Variants in MOGAT3 observed in about 807,000 individuals in gnomAD.
MOGAT3 encodes monoacylglycerol O-acyltransferase 3, also known as 2-acylglycerol O-acyltransferase 3.
MOGAT3 carries 39 observed loss-of-function variants against 34.4 expected under a neutral mutation model. That is an observed-to-expected ratio of 1.13 (90% CI 0.88 to 1.48). The LOEUF is 1.48. Among genes scored for constraint, MOGAT3 ranks in the 40% most tolerant of loss-of-function variants. The pLI is 0.00. For missense variants in MOGAT3, 439 were observed against 438.9 expected (o/e 1.00, Z 0.00); for synonymous variants, 209 against 179.2 (o/e 1.17, Z -1.33).
At chr7:101,196,131 G>T (rs776379227) in intron 6 of MOGAT3, 31 bp from the exon 7 acceptor site, 2 of 1,585,748 alleles carry the variant, frequency 1.3e-6, no homozygotes, top group Non-Finnish European at 8.6e-7. Context: ...GTGGGCGAGG[G>T]ATCCCTGATG....
downstream of MOGAT3, among the ~76,000 whole-genome samples, chr7:101,194,447 A>G (rs1172906731): frequency 6.7e-6 from 1 of 150,162 alleles, no homozygotes; most frequent in Non-Finnish European, 1.5e-5. Flanking sequence ...CAGCCTCCCA[A>G]AGTGCTGGGA....
At chr7:101,199,997 G>T (rs867333287) in intron 3 of MOGAT3, among the ~76,000 whole-genome samples, 74 of 151,832 alleles carry the variant, frequency 4.9e-4, no homozygotes, top group African/African-American at 1.7e-3. Flanking sequence ...GGAGGCTGAG[G>T]CATGAGAATA....
In MOGAT3 at chr7:101,195,716, C is replaced by T. The variant is rs1305128240; in HGVS notation, c.*230G>A. 8 of 566,142 alleles carry T rather than the reference C, an allele frequency of 1.4e-5. No individual in the cohort carries two copies. The highest frequency in any genetic ancestry group is 1.3e-4 in the South Asian group (6 of 46,548). The allele number at this position is 566,142 out of a possible 1,614,324, so 35.1% of individuals were successfully genotyped here. A position where few individuals can be genotyped will look rare whatever the true frequency, so the allele number is the denominator to read the frequency against. On this transcript the variant is annotated 3_prime_UTR_variant, in exon 7 of 7. Transcript: ENST00000223114. ...GCCACCATGCCCGGCTAATTAACAACATTATTTTTTAATTTTTGTAGAAAT... is the reference window on the plus strand; with the variant it reads ...GCCACCATGCCCGGCTAATTAACAATATTATTTTTTAATTTTTGTAGAAAT...
chr7:101,199,646 A>C (rs1584242192), intron 3 of MOGAT3, among the ~76,000 whole-genome samples: 17 of 117,346 alleles, frequency 1.4e-4, no homozygotes, highest in East Asian at 4.9e-4. Context: ...AGACGGTCTC[A>C]CTCTGTTGCT....
chr7:101,197,836 C>G (rs998928327), intron 5 of MOGAT3, among the ~76,000 whole-genome samples: 2 of 152,122 alleles, frequency 1.3e-5, no homozygotes, highest in African/African-American at 2.4e-5. Context: ...CCTTTGCACT[C>G]CAGCCTGGGC....
Position 101,196,253 on chromosome 7 carries a change from C to T in MOGAT3, c.805G>A (p.Gly269Ser), listed in dbSNP as rs1797782423. Residue 269 changes from glycine (G) to serine (S), a missense_variant, in exon 6 of 7, where the codon GGT becomes AGT. Gly to Ser is a moderately conservative substitution (Grantham distance 56). Transcript: ENST00000223114. ...GAGGTGGCTGAGAAGAGACCGCGAC[C>T]CCAGAAGATGCAAGGAGAGAAGCCC... is the stretch of plus-strand genomic sequence containing the variant. ...LMGFSPCIFW[G>S]RGLFSATSWG... 6.2e-7 allele frequency: 1 copy of T among 1,607,538 alleles called. No individual in the cohort carries two copies. Among genetic ancestry groups the T allele is most frequent in the East Asian group, 2.2e-5 (1 of 44,706 alleles).
intron 5 of MOGAT3, among the ~76,000 whole-genome samples, chr7:101,197,278 G>A (rs1325785525): frequency 2.6e-5 from 4 of 152,116 alleles, no homozygotes; most frequent in East Asian, 1.9e-4. Context: ...AACCTTCTCC[G>A]CTCAAGCCAT....
Position 101,200,227 on chromosome 7 carries a change from C to A in MOGAT3, c.288+7G>T. ...GGAAGCAGTTTTTCTGCAGGGTGAC[C>A]CATCACCTTGACAGGATAATAATCC... On this transcript the variant is annotated splice_region_variant and intron_variant, in intron 3 of 6. Coordinates refer to ENST00000223114, the MANE Select transcript of MOGAT3 (RefSeq NM_178176.4). 1 of 1,612,662 alleles carries A rather than the reference C, an allele frequency of 6.2e-7. No homozygotes were observed. The highest frequency in any genetic ancestry group is 2.2e-5 in the East Asian group (1 of 44,846).
Position 101,200,917 on chromosome 7 carries a change from A to C in MOGAT3, c.-63T>G. On this transcript the variant is annotated 5_prime_UTR_variant, in exon 1 of 7. Transcript: ENST00000223114. ...CGGAGGACAAACGATGAAGGCTTGG[A>C]TGTGGACCTGGGCAGACTTTCTCCC... The C allele has an allele frequency of 7.2e-7, 1 of 1,391,018 alleles. No homozygotes were observed. The highest frequency in any genetic ancestry group is 1.0e-6 in the Non-Finnish European group (1 of 1,002,384). 86.2% of individuals were successfully genotyped at this position (1,391,018 alleles called of 1,614,324 possible).
rs1266642916 is a variant in MOGAT3 at position 101,195,956 on chromosome 7, G to A, written c.1016C>T (p.Thr339Ile). ...AGGCCGCGGCCAGGCCTAGATGAAG[G>A]TGAGGCAGGTGGAAGCGGGGACCCC... is the stretch of plus-strand genomic sequence containing the variant. The part of the protein sequence containing the change: ...SCGVPASTCL[T>I]FI Residue 339 changes from threonine to isoleucine, a missense_variant, in exon 7 of 7, where the codon ACC (threonine) becomes ATC (isoleucine). Physicochemically the swap from Thr to Ile is moderately conservative, Grantham distance 89 (BLOSUM62 -1). Transcript: ENST00000223114. 1 of 1,614,070 alleles carries A rather than the reference G, an allele frequency of 6.2e-7. No homozygotes were observed. The highest frequency in any genetic ancestry group is 1.3e-5 in the African/African-American group (1 of 74,926).
downstream of MOGAT3, among the ~76,000 whole-genome samples, chr7:101,193,863 G>A (rs1797726375): frequency 6.6e-6 from 1 of 152,198 alleles, no homozygotes. Context: ...AATTTTATAG[G>A]ACGGTAGAAG....
downstream of MOGAT3, among the ~76,000 whole-genome samples, chr7:101,194,828 C>T (rs1368107967): frequency 6.6e-6 from 1 of 152,050 alleles, no homozygotes; most frequent in African/African-American, 2.4e-5. Flanking sequence ...TCTATTTTTC[C>T]TTCACTGGGG....
chr7:101,200,665 C>T, intron 1 of MOGAT3, 81 bp downstream of exon 1: 1 of 1,372,280 alleles, frequency 7.3e-7, no homozygotes, highest in Non-Finnish European at 1.0e-6. Context: ...CTCAGGCATG[C>T]AAGCCAGCAG....
chr7:101,198,419 G>T, intron 4 of MOGAT3, 54 bp from the exon 5 acceptor site: 3 of 1,488,964 alleles, frequency 2.0e-6, no homozygotes, highest in Non-Finnish European at 9.0e-7. Context: ...CGGCACCCCC[G>T]CCCCTCACCC....
In MOGAT3 at chr7:101,198,236, G is replaced by C. The variant is rs1364089678; in HGVS notation, c.623C>G (p.Thr208Arg). ...LYSVPGEHCLTLQKRKGFVRL... is the reference protein window; with the variant it reads ...LYSVPGEHCLRLQKRKGFVRL... ...CACGAAGCCTTTGCGCTTCTGGAGC[G>C]TAAGGCAGTGCTCCCCGGGGACTGA... Residue 208 changes from threonine to arginine, a missense_variant, in exon 5 of 7, where the codon ACG becomes AGG. By Grantham distance (71) the Thr-to-Arg change is moderately conservative. Transcript: ENST00000223114. The C allele has an allele frequency of 6.2e-7, 1 of 1,613,576 alleles. No homozygotes were observed. The highest frequency in any genetic ancestry group is 8.5e-7 in the Non-Finnish European group (1 of 1,179,784).
chr7:101,198,604 C>T (rs1209538749), intron 4 of MOGAT3, 22 bp downstream of exon 4: 1 of 1,604,358 alleles, frequency 6.2e-7, no homozygotes, highest in South Asian at 1.1e-5. Flanking sequence ...TCCTCCCGTT[C>T]TCCTCCTCCC....
At chr7:101,193,493 A>C (rs542586776), downstream of MOGAT3, among the ~76,000 whole-genome samples, 10 of 152,054 alleles carry the variant, frequency 6.6e-5, no homozygotes, top group Non-Finnish European at 1.2e-4. Context: ...GCAGCGGTGC[A>C]ATCTCGGCTC....
intron 5 of MOGAT3, among the ~76,000 whole-genome samples, chr7:101,197,160 T>A (rs1384778602): frequency 6.6e-6 from 1 of 151,932 alleles, no homozygotes; most frequent in Non-Finnish European, 1.5e-5. Context: ...AATTAAAAAT[T>A]AGAAAATTTT....
At chr7:101,194,301 C>A (rs962179028), downstream of MOGAT3, among the ~76,000 whole-genome samples, 1 of 152,038 alleles carries the variant, frequency 6.6e-6, no homozygotes, top group African/African-American at 2.4e-5. Flanking sequence ...AATTCTCCTG[C>A]CTCAGCCTCC....
Sources: gnomAD v4.1 joint callset for allele counts (sites outside exome capture counted in the v4.1 genomes callset) on GRCh38, gnomAD v4.1.1 for gene constraint, MANE v1.5 for transcripts, NCBI Gene and HGNC (gene_info 2026-07-23, HGNC 2026-07-21) for gene names.